Variants in LRBA observed in about 807,000 individuals in gnomAD.
LRBA encodes the protein lipopolysaccharide-responsive and beige-like anchor protein.
LRBA carries 176 observed loss-of-function variants against 330.0 expected under a neutral mutation model. The ratio of observed to expected loss-of-function variants is 0.53; its 90% CI spans 0.47 to 0.60. The LOEUF (loss-of-function observed/expected upper bound fraction) is 0.60, where lower values mean the gene tolerates loss of function less well. Among genes scored for constraint, LRBA ranks in the 20% least tolerant of loss-of-function variants. The pLI is 0.00. For synonymous variants in LRBA, 1,230 were observed against 1,193.0 expected (o/e 1.03, Z -0.64); for missense variants, 3,259 against 3,444.8 (o/e 0.95, Z 1.35).
At position 150,985,060 on chromosome 4, in the gene LRBA, C is replaced by T. The variant is rs553359292; in HGVS notation, c.216+29367G>A. On this transcript the variant is annotated intron_variant, in intron 2 of 56. Coordinates refer to ENST00000651943, the MANE Select transcript of LRBA (RefSeq NM_001364905.1). ...ATCACCTAAGGTAGGGAGTTCAAGACCAGCCTGGCCAACATGGCGAAACCC... is the reference window on the plus strand; with the variant it reads ...ATCACCTAAGGTAGGGAGTTCAAGATCAGCCTGGCCAACATGGCGAAACCC... Among the ~76,000 whole-genome samples, 18 of 152,246 alleles carry T rather than the reference C, an allele frequency of 1.2e-4. 1 individual carries two copies. In the South Asian group the frequency reaches 3.5e-3, roughly 30 times the overall value.
intron 37 of LRBA, among the ~76,000 whole-genome samples, chr4:150,657,454 T>C (rs1780317000): frequency 6.6e-6 from 1 of 152,082 alleles, no homozygotes; most frequent in Admixed American, 6.5e-5. Flanking sequence ...ATTCCATTTA[T>C]TCTGAAGATT....
chr4:150,508,595 G>T (rs1218258059), intron 40 of LRBA, among the ~76,000 whole-genome samples: 1 of 152,114 alleles, frequency 6.6e-6, no homozygotes, highest in Non-Finnish European at 1.5e-5. Context: ...GCCCCAAGTA[G>T]ATTTTAGAGC....
At chr4:150,750,505 T>C (rs1181458708) in intron 35 of LRBA, among the ~76,000 whole-genome samples, 1 of 152,192 alleles carries the variant, frequency 6.6e-6, no homozygotes, top group Admixed American at 6.5e-5. Context: ...TTTAATATCA[T>C]TTTTGTAGAG....
At chr4:150,267,366 C>T (rs1010866480) in intron 56 of LRBA, among the ~76,000 whole-genome samples, 3 of 151,828 alleles carry the variant, frequency 2.0e-5, no homozygotes, top group African/African-American at 7.3e-5. Flanking sequence ...AAACTAGGTA[C>T]CAATAACTGA....
intron 48 of LRBA, among the ~76,000 whole-genome samples, chr4:150,347,229 G>A (rs1051276361): frequency 3.3e-5 from 5 of 152,202 alleles, no homozygotes; most frequent in African/African-American, 1.2e-4. Context: ...AAGGAATGAG[G>A]AGTTATTGTT....
chr4:150,464,825 C>G (rs557433369), intron 44 of LRBA, among the ~76,000 whole-genome samples: 2,718 of 152,192 alleles, frequency 0.018, 88 homozygotes, highest in African/African-American at 0.06. Context: ...GAAGCAAGAG[C>G]AGAAACACAC....
At position 150,929,085 on chromosome 4, in the gene LRBA, A is replaced by C. The variant is rs757215321; in HGVS notation, c.217-20T>G. ...TACCAACTTACAAGGAAAAAAAAAA[A>C]ACACATTAAAAGCATTAGTATCCTC... is the stretch of plus-strand genomic sequence containing the variant. On this transcript the variant is annotated intron_variant, in intron 2 of 56. Coordinates refer to ENST00000651943, the MANE Select transcript of LRBA (RefSeq NM_001364905.1). 6.8e-5 allele frequency: 103 copies of C among 1,510,724 alleles called. No individual in the cohort carries two copies. The South Asian group carries it at 9.2e-4, about 14-fold the overall frequency. The allele number at this position is 1,510,724 out of a possible 1,614,324, so 93.6% of individuals were successfully genotyped here.
Position 150,960,595 on chromosome 4 carries a change from T to C in LRBA, c.217-31530A>G, listed in dbSNP as rs1015503300. ...AAAGTGATTACTGTAAAAGTCAAGA[T>C]AGAGGTTCCATTTGAGGGAGAGAGG... On this transcript the variant is annotated intron_variant, in intron 2 of 56. Transcript: ENST00000651943. Among the ~76,000 whole-genome samples, 41 of 149,128 alleles carry C rather than the reference T, an allele frequency of 2.7e-4. 11 individuals carry two copies. Among genetic ancestry groups the C allele is most frequent in the African/African-American group, 9.6e-4 (37 of 38,584 alleles).
chr4:150,488,958 AAT>A lies in LRBA; in HGVS notation c.6449-1126_6449-1125del, dbSNP rs561605619. 1.3e-4 allele frequency among the ~76,000 whole-genome samples: 17 copies of A among 133,166 alleles called. No individual in the cohort carries two copies. The South Asian group carries it at 3.7e-3, about 29-fold the overall frequency. The allele number at this position is 133,166 out of a possible 152,430, so 87.4% of individuals were successfully genotyped here. A position where few individuals can be genotyped will look rare whatever the true frequency, so the allele number is the denominator to read the frequency against. On this transcript the variant is annotated intron_variant, in intron 41 of 56. Coordinates refer to ENST00000651943, the MANE Select transcript of LRBA (RefSeq NM_001364905.1). ...ACACACGAGAATATATATAACATAT[AAT>A]ATATTATATATAAGAATATATAACA...
chr4:150,700,886 T>C (rs1785057038), intron 36 of LRBA, among the ~76,000 whole-genome samples: 1 of 151,912 alleles, frequency 6.6e-6, no homozygotes, highest in Admixed American at 6.6e-5. Context: ...GCTTTCTGAG[T>C]AGCTAGGACT....
chr4:150,715,865 A>G (rs1240897549), intron 36 of LRBA, among the ~76,000 whole-genome samples: 5 of 152,214 alleles, frequency 3.3e-5, no homozygotes, highest in Non-Finnish European at 7.3e-5. Flanking sequence ...AGAATAAGTG[A>G]TATTTGAACA....
At chr4:150,587,998 G>A (rs1183781406) in intron 40 of LRBA, 50 bp downstream of exon 40, 1 of 1,583,302 alleles carries the variant, frequency 6.3e-7, no homozygotes, top group Non-Finnish European at 8.6e-7. Flanking sequence ...CTATCCAACA[G>A]CACCCACCAT....
chr4:150,380,486 C>T (rs7699001), intron 47 of LRBA, among the ~76,000 whole-genome samples: 21,934 of 151,548 alleles, frequency 0.14, 1,625 homozygotes, highest in Middle Eastern at 0.17. Flanking sequence ...CCACCAGAAC[C>T]AATTTTAATA....
intron 40 of LRBA, among the ~76,000 whole-genome samples, chr4:150,525,904 A>T (rs940919310): frequency 2.0e-5 from 3 of 152,088 alleles, no homozygotes; most frequent in Admixed American, 6.5e-5. Context: ...CAATCTTGCT[A>T]TTAGAAGAAA....
intron 36 of LRBA, among the ~76,000 whole-genome samples, chr4:150,699,608 T>C (rs2126989614): frequency 6.6e-6 from 1 of 152,286 alleles, no homozygotes; most frequent in Middle Eastern, 3.4e-3. Context: ...ATAGCTGTTA[T>C]TAAACACTTA....
chr4:150,646,811 A>C (rs1779180628), intron 37 of LRBA, among the ~76,000 whole-genome samples: 1 of 152,146 alleles, frequency 6.6e-6, no homozygotes, highest in Non-Finnish European at 1.5e-5. Context: ...TTGAGCACAG[A>C]CATAACATGC....
intron 47 of LRBA, among the ~76,000 whole-genome samples, chr4:150,399,980 A>AAT (rs1745248162): frequency 3.3e-5 from 5 of 151,284 alleles, no homozygotes; most frequent in African/African-American, 7.3e-5. Flanking sequence ...TGTCAATCAA[A>AAT]CAATCAATCA....
chr4:150,907,143 A>AG (rs566293685), intron 11 of LRBA, among the ~76,000 whole-genome samples: 420 of 145,676 alleles, frequency 2.9e-3, no homozygotes, highest in Middle Eastern at 0.014. Flanking sequence ...AACAAAAAAA[A>AG]AGAGAGAGAG....
At chr4:150,621,734 C>CA (rs1355277305) in intron 37 of LRBA, among the ~76,000 whole-genome samples, 1 of 152,182 alleles carries the variant, frequency 6.6e-6, no homozygotes, top group Non-Finnish European at 1.5e-5. Context: ...TCAGAAATCT[C>CA]AAAAAATACT....
Sources: gnomAD v4.1 joint callset for allele counts (sites outside exome capture counted in the v4.1 genomes callset) on GRCh38, gnomAD v4.1.1 for gene constraint, MANE v1.5 for transcripts, NCBI Gene and HGNC (gene_info 2026-07-23, HGNC 2026-07-21) for gene names.